NPAS3: variants seen among roughly 807,000 people sequenced by gnomAD.
NPAS3 encodes neuronal PAS domain protein 3.
A neutral mutation model predicts 73.1 loss-of-function variants in NPAS3; 14 were observed. The ratio of observed to expected loss-of-function variants is 0.19; its 90% CI spans 0.13 to 0.30. NPAS3 has a LOEUF of 0.30. Among genes scored for constraint, NPAS3 ranks in the 10% least tolerant of loss-of-function variants. The pLI is 1.00. For missense variants in NPAS3, 1,096 were observed against 1,250.0 expected, an observed-to-expected ratio of 0.88 and a Z score of 1.86; for synonymous variants, 620 against 541.5, an observed-to-expected ratio of 1.14 and a Z score of -2.01.
chr14:33,021,096 T>G (rs2184626), intron 1 of NPAS3, among the ~76,000 whole-genome samples: 86,525 of 152,008 alleles, frequency 0.57, 25,788 homozygotes, highest in African/African-American at 0.76. Flanking sequence ...ACTCTATTCT[T>G]TTGTACCCAC....
Position 33,279,774 on chromosome 14 carries a change from C to T in NPAS3, c.385+64348C>T, listed in dbSNP as rs546474371. Among the ~76,000 whole-genome samples, 130 of 152,156 alleles carry T rather than the reference C, an allele frequency of 8.5e-4. 1 individual carries two copies. The highest frequency in any genetic ancestry group is 3.1e-3 in the African/African-American group (128 of 41,506). ...GTTGGGATCTTGCATTATGTAATGT[C>T]AGAATACAAAGTATTCTACCCTGGG... On this transcript the variant is annotated intron_variant, in intron 3 of 11. Coordinates refer to ENST00000356141, the Ensembl canonical transcript of NPAS3.
intron 5 of NPAS3, among the ~76,000 whole-genome samples, chr14:33,590,778 C>T (rs1197103787): frequency 1.3e-5 from 2 of 152,150 alleles, no homozygotes; most frequent in Non-Finnish European, 1.5e-5. Flanking sequence ...CTGGCTTTCT[C>T]TGGATCCAGG....
At chr14:33,682,986 C>T (rs146116327) in intron 6 of NPAS3, among the ~76,000 whole-genome samples, 103 of 152,290 alleles carry the variant, frequency 6.8e-4, no homozygotes, top group Admixed American at 7.8e-4. Flanking sequence ...TACAGAAGGG[C>T]GGCCTCCCTT....
At chr14:33,172,159 A>G (rs560165710) in intron 2 of NPAS3, among the ~76,000 whole-genome samples, 1 of 152,320 alleles carries the variant, frequency 6.6e-6, no homozygotes, top group East Asian at 1.9e-4. Flanking sequence ...GAAAGGTGGA[A>G]TGAATTACCA....
chr14:33,438,354 G>T (rs1287800113), intron 4 of NPAS3, among the ~76,000 whole-genome samples: 1 of 152,204 alleles, frequency 6.6e-6, no homozygotes, highest in Non-Finnish European at 1.5e-5. Flanking sequence ...TCTCCATGTG[G>T]CAGGGAAATG....
downstream of NPAS3, chr14:33,801,817 G>C (rs1374688658): frequency 1.3e-5 from 2 of 151,890 alleles, no homozygotes; most frequent in Non-Finnish European, 2.9e-5. Context: ...TTATTAATCT[G>C]TAATGTCTTC....
At chr14:33,268,174 T>C (rs1279738855) in intron 3 of NPAS3, among the ~76,000 whole-genome samples, 1 of 152,148 alleles carries the variant, frequency 6.6e-6, no homozygotes, top group African/African-American at 2.4e-5. Context: ...CTCTTGTCCA[T>C]TGGACAAGGA....
At position 33,793,748 on chromosome 14, in the gene NPAS3, G is replaced by A. The variant is rs1038706356; in HGVS notation, c.1154-149G>A. ...ATTGATTTCATTTGTCCTACTAATG[G>A]CATTCTATATTAAGCATACAGAGGG... On this transcript the variant is annotated intron_variant, in intron 9 of 11. Transcript: ENST00000356141. 4 of 576,506 alleles carry A rather than the reference G, an allele frequency of 6.9e-6. No homozygotes were observed. The African/African-American group carries it at 7.5e-5, about 11-fold the overall frequency. 35.7% of individuals were successfully genotyped at this position (576,506 alleles called of 1,614,324 possible).
intron 4 of NPAS3, among the ~76,000 whole-genome samples, chr14:33,503,843 G>A (rs2052632225): frequency 6.6e-6 from 1 of 151,860 alleles, no homozygotes; most frequent in Admixed American, 6.6e-5. Context: ...TCCCTTTAGG[G>A]GGAGAATTTA....
chr14:33,168,870 T>C (rs2045276938), intron 2 of NPAS3, among the ~76,000 whole-genome samples: 1 of 152,008 alleles, frequency 6.6e-6, no homozygotes, highest in African/African-American at 2.4e-5. Flanking sequence ...AATGAGTCTT[T>C]CTCAAAGAGG....
intron 5 of NPAS3, among the ~76,000 whole-genome samples, chr14:33,570,206 C>A (rs1009428490): frequency 1.3e-5 from 2 of 152,222 alleles, no homozygotes; most frequent in African/African-American, 4.8e-5. Context: ...AAATGAGATT[C>A]TTTTGGCAGA....
At chr14:33,460,647 C>T (rs1566923263) in intron 4 of NPAS3, among the ~76,000 whole-genome samples, 1 of 152,196 alleles carries the variant, frequency 6.6e-6, no homozygotes, top group Non-Finnish European at 1.5e-5. Flanking sequence ...GCCTCCTACC[C>T]TCCTACTTTC....
At chr14:33,529,438 T>A (rs1396312899) in intron 4 of NPAS3, among the ~76,000 whole-genome samples, 1 of 152,074 alleles carries the variant, frequency 6.6e-6, no homozygotes, top group Non-Finnish European at 1.5e-5. Context: ...CAGGCTAGTC[T>A]GTATAGACTG....
rs34684535 is a variant in NPAS3 at position 33,692,836 on chromosome 14, TAAAAAAAAAAAAA to T, written c.733+16466_733+16478del. 6.1e-4 allele frequency among the ~76,000 whole-genome samples: 39 copies of T among 64,056 alleles called. 1 individual carries two copies. The highest frequency in any genetic ancestry group is 2.1e-3 in the African/African-American group (37 of 17,692). 42.0% of individuals were successfully genotyped at this position (64,056 alleles called of 152,430 possible). A position where few individuals can be genotyped will look rare whatever the true frequency, so the allele number is the denominator to read the frequency against. ...CAAGTGTTTAAGTAGCCCAATGTCTTAAAAAAAAAAAAAAAAAAAAAAAAAAAGCCTTGAGTTA... is the reference window on the plus strand; with the variant it reads ...CAAGTGTTTAAGTAGCCCAATGTCTTAAAAAAAAAAAAAAGCCTTGAGTTA... On this transcript the variant is annotated intron_variant, in intron 6 of 11. Coordinates refer to ENST00000356141, the Ensembl canonical transcript of NPAS3.
upstream of NPAS3, among the ~76,000 whole-genome samples, chr14:32,938,924 G>A (rs1001184151): frequency 7.1e-4 from 104 of 145,498 alleles, no homozygotes; most frequent in East Asian, 0.018. Flanking sequence ...GAGCCGGGGC[G>A]GCCCGGGCCG....
intron 1 of NPAS3, among the ~76,000 whole-genome samples, chr14:32,950,542 A>T (rs760255045): frequency 9.2e-5 from 14 of 152,116 alleles, no homozygotes; most frequent in Non-Finnish European, 1.5e-4. Context: ...AGGGAAGCTT[A>T]TAACTATAAA....
chr14:33,565,604 T>C (rs2139786177), intron 5 of NPAS3, among the ~76,000 whole-genome samples: 1 of 152,234 alleles, frequency 6.6e-6, no homozygotes, highest in Non-Finnish European at 1.5e-5. Context: ...AAGATATATA[T>C]ATTTCTTTAG....
chr14:33,679,519 C>T (rs140882291), intron 6 of NPAS3, among the ~76,000 whole-genome samples: 1 of 152,164 alleles, frequency 6.6e-6, no homozygotes, highest in South Asian at 2.1e-4. Flanking sequence ...TTGTTCATTG[C>T]ATCATAATCT....
At chr14:33,522,840 C>A (rs542213210) in intron 4 of NPAS3, among the ~76,000 whole-genome samples, 1 of 152,040 alleles carries the variant, frequency 6.6e-6, no homozygotes, top group African/African-American at 2.4e-5. Context: ...ATGGTGCTTG[C>A]GGTGTGGAGA....
Sources: gnomAD v4.1 joint callset for allele counts (sites outside exome capture counted in the v4.1 genomes callset) on GRCh38, gnomAD v4.1.1 for gene constraint, MANE v1.5 for transcripts, NCBI Gene and HGNC (gene_info 2026-07-23, HGNC 2026-07-21) for gene names.